SLC26A9: variants seen among roughly 807,000 people sequenced by gnomAD.
SLC26A9 encodes the protein anion transporter/exchanger protein 9.
A neutral mutation model predicts 87.1 loss-of-function variants in SLC26A9; 46 were observed. The observed-to-expected ratio is 0.53, with a 90% CI of 0.42 to 0.67. The LOEUF is 0.67. Ranked by LOEUF, SLC26A9 falls within the 30% of genes least tolerant of loss-of-function variation. The probability of loss-of-function intolerance (pLI) is 0.00; values close to 1 mark genes in which losing one functional copy is unlikely to be tolerated. For synonymous variants in SLC26A9, 437 were observed against 409.1 expected, an observed-to-expected ratio of 1.07 and a Z score of -0.82; for missense variants, 927 against 1,018.3, an observed-to-expected ratio of 0.91 and a Z score of 1.22.
In SLC26A9 at chr1:205,927,926, G is replaced by A. The variant is rs770665570; in HGVS notation, c.1077C>T (p.His359=). The change falls in exon 9 of 21, where the codon CAC becomes CAT. Residue 359 remains histidine (H), a synonymous_variant. Coordinates refer to ENST00000367135, the MANE Select transcript of SLC26A9 (RefSeq NM_052934.4). The part of the protein sequence containing the change: ...LAMGRTLANK[H]GYDVDSNQEM... ...CCTGGTTCGAATCCACGTCGTAGCCGTGCTTGTTGGCCAGGGTCCGGCCCA... is the reference window on the plus strand; with the variant it reads ...CCTGGTTCGAATCCACGTCGTAGCCATGCTTGTTGGCCAGGGTCCGGCCCA... 73 of 1,614,022 alleles carry A rather than the reference G, an allele frequency of 4.5e-5. No homozygotes were observed. In the Middle Eastern group the frequency reaches 4.9e-4, roughly 11 times the overall value.
At chr1:205,936,148 C>T (rs74739480) in intron 1 of SLC26A9, among the ~76,000 whole-genome samples, 11,496 of 152,204 alleles carry the variant, frequency 0.076, 674 homozygotes, top group African/African-American at 0.16. Context: ...AGGGGAATCA[C>T]GAGGGCAGGA....
intron 1 of SLC26A9, among the ~76,000 whole-genome samples, chr1:205,943,155 G>A (rs1048187619): frequency 1.3e-5 from 2 of 152,208 alleles, no homozygotes; most frequent in African/African-American, 4.8e-5. Context: ...TGCAGCCCAG[G>A]TCCTTACATA....
At chr1:205,935,599 C>A in intron 2 of SLC26A9, 97 bp downstream of exon 2, 1 of 1,548,044 alleles carries the variant, frequency 6.5e-7, no homozygotes. Context: ...TCCCTTAACC[C>A]CATCTTAGGG....
At chr1:205,941,149 TTTTG>T (rs1384093109) in intron 1 of SLC26A9, among the ~76,000 whole-genome samples, 1 of 151,980 alleles carries the variant, frequency 6.6e-6, no homozygotes, top group Non-Finnish European at 1.5e-5. Flanking sequence ...CCTAAGGCTT[TTTTG>T]TTTGTTTGTT....
chr1:205,924,535 C>T (rs187277143), intron 12 of SLC26A9, 46 bp from the exon 13 acceptor site: 2 of 1,576,240 alleles, frequency 1.3e-6, no homozygotes, highest in African/African-American at 2.7e-5. Flanking sequence ...AAAAAACAAC[C>T]TCTTTCAGGA....
intron 5 of SLC26A9, among the ~76,000 whole-genome samples, chr1:205,931,259 A>G (rs1484874839): frequency 6.6e-6 from 1 of 152,204 alleles, no homozygotes; most frequent in South Asian, 2.1e-4. Context: ...CTGCAAGACT[A>G]TGCTGGCAGA....
At chr1:205,940,027 G>A (rs1247180803) in intron 1 of SLC26A9, among the ~76,000 whole-genome samples, 2 of 152,158 alleles carry the variant, frequency 1.3e-5, no homozygotes, top group Non-Finnish European at 2.9e-5. Flanking sequence ...CTCCTCCACT[G>A]TGCAGGGAAG....
At chr1:205,939,186 T>C (rs1036719514) in intron 1 of SLC26A9, among the ~76,000 whole-genome samples, 3 of 152,214 alleles carry the variant, frequency 2.0e-5, no homozygotes, top group Admixed American at 6.5e-5. Flanking sequence ...GAAGAGAACT[T>C]GAGGACCACA....
In SLC26A9 at chr1:205,918,837, T is replaced by C. The variant is rs199967063; in HGVS notation, c.2256+3A>G. Reference sequence around the variant, plus strand: ...TAGGATTCCCCAGGTGCAAGAACCTTACCCCTTGGAAGTTGTGTCCTGGGG... The same window carrying C: ...TAGGATTCCCCAGGTGCAAGAACCTCACCCCTTGGAAGTTGTGTCCTGGGG... On this transcript the variant is annotated splice_donor_region_variant and intron_variant, in intron 19 of 20. Transcript: ENST00000367135. The C allele has an allele frequency of 9.3e-6, 15 of 1,612,682 alleles. No homozygotes were observed. In the East Asian group the frequency reaches 3.3e-4, roughly 36 times the overall value.
chr1:205,916,494 G>A (rs1558117648), intron 20 of SLC26A9, among the ~76,000 whole-genome samples: 1 of 152,202 alleles, frequency 6.6e-6, no homozygotes, highest in Non-Finnish European at 1.5e-5. Context: ...TTTCTAAAAG[G>A]CAGAGGCCTT....
Position 205,915,193 on chromosome 1 carries a change from C to G in SLC26A9, c.*164G>C, listed in dbSNP as rs376875270. The G allele has an allele frequency of 1.1e-5, 17 of 1,609,788 alleles. No individual in the cohort carries two copies. The South Asian group carries it at 1.9e-4, about 18-fold the overall frequency. Reference sequence around the variant, plus strand: ...TGCTGAGAGGCTCTCTCTGGAGATGCGGGGAGGGAAGGAAGGGAGGAGAGA... The same window carrying G: ...TGCTGAGAGGCTCTCTCTGGAGATGGGGGGAGGGAAGGAAGGGAGGAGAGA... On this transcript the variant is annotated 3_prime_UTR_variant, in exon 21 of 21. Coordinates refer to ENST00000367135, the MANE Select transcript of SLC26A9 (RefSeq NM_052934.4).
rs1658501511 is a variant in SLC26A9 at position 205,914,729 on chromosome 1, A to G, written c.*628T>C. ...AGAGTCTGATGTGCTTGCTGACAGCAGTGGTGGTTTGGGCAGCCTTGGGGA... is the reference window on the plus strand; with the variant it reads ...AGAGTCTGATGTGCTTGCTGACAGCGGTGGTGGTTTGGGCAGCCTTGGGGA... On this transcript the variant is annotated 3_prime_UTR_variant, in exon 21 of 21. Coordinates refer to ENST00000367135, the MANE Select transcript of SLC26A9 (RefSeq NM_052934.4). The G allele has an allele frequency of 3.7e-6, 3 of 802,068 alleles. No homozygotes were observed. Among genetic ancestry groups the G allele is most frequent in the Non-Finnish European group, 5.8e-6 (3 of 513,678 alleles). The allele number at this position is 802,068 out of a possible 1,614,324, so 49.7% of individuals were successfully genotyped here.
At chr1:205,942,631 A>G (rs1050348060) in intron 1 of SLC26A9, among the ~76,000 whole-genome samples, 2 of 152,124 alleles carry the variant, frequency 1.3e-5, no homozygotes, top group African/African-American at 4.8e-5. Flanking sequence ...AGGGGTTTGG[A>G]GGCTGAGAGC....
intron 11 of SLC26A9, 120 bp from the exon 12 acceptor site, chr1:205,926,750 C>T (rs879599495): frequency 2.5e-6 from 2 of 789,724 alleles, no homozygotes; most frequent in Non-Finnish European, 4.3e-6. Flanking sequence ...CCTCCCCTGG[C>T]TGATCCCCCA....
chr1:205,917,167 G>C (rs1215577895), intron 20 of SLC26A9, 116 bp downstream of exon 20: 1 of 824,604 alleles, frequency 1.2e-6, no homozygotes, highest in Non-Finnish European at 1.9e-6. Context: ...GGCCTTGAAT[G>C]TGACTGCTCT....
Position 205,933,102 on chromosome 1 carries a change from A to T in SLC26A9, c.126-18T>A. 2 of 1,614,178 alleles carry T rather than the reference A, an allele frequency of 1.2e-6. No individual in the cohort carries two copies. The highest frequency in any genetic ancestry group is 1.7e-6 in the Non-Finnish European group (2 of 1,179,998). On this transcript the variant is annotated intron_variant, in intron 2 of 20. Coordinates refer to ENST00000367135, the MANE Select transcript of SLC26A9 (RefSeq NM_052934.4). ...AGGAACATCTGGAAGGGAACGGGGAAAATTTCCAGTCGGCTCTGCATGGCT... is the reference window on the plus strand; with the variant it reads ...AGGAACATCTGGAAGGGAACGGGGATAATTTCCAGTCGGCTCTGCATGGCT...
chr1:205,936,425 G>A (rs1659510614), intron 1 of SLC26A9, among the ~76,000 whole-genome samples: 1 of 152,148 alleles, frequency 6.6e-6, no homozygotes, highest in Non-Finnish European at 1.5e-5. Flanking sequence ...AACCAGGATG[G>A]TCCACCTGCC....
At chr1:205,941,025 C>A (rs1012320504) in intron 1 of SLC26A9, among the ~76,000 whole-genome samples, 8 of 152,282 alleles carry the variant, frequency 5.3e-5, no homozygotes, top group Middle Eastern at 3.4e-3. Context: ...AGGGTAAGAG[C>A]AGCCTCTGAG....
In SLC26A9 at chr1:205,927,613, G is replaced by A. The variant is rs775614651; in HGVS notation, c.1102-8C>T. On this transcript the variant is annotated splice_polypyrimidine_tract_variant and splice_region_variant and intron_variant, in intron 9 of 20. Transcript: ENST00000367135. ...GCCGAGAGCGATCATCTCCTGCAGGGAGGGGACAGGATTAGAAGCCAGTGT... is the reference window on the plus strand; with the variant it reads ...GCCGAGAGCGATCATCTCCTGCAGGAAGGGGACAGGATTAGAAGCCAGTGT... 8 of 1,611,276 alleles carry A rather than the reference G, an allele frequency of 5.0e-6. No homozygotes were observed. The Admixed American group carries it at 1.2e-4, about 24-fold the overall frequency.
Sources: allele counts gnomAD v4.1 joint callset (sites outside exome capture counted in the v4.1 genomes callset), GRCh38; gene constraint gnomAD v4.1.1; transcripts MANE v1.5; gene names NCBI Gene and HGNC (gene_info 2026-07-23, HGNC 2026-07-21).